Variants in ZNF704 observed in about 807,000 individuals in gnomAD.
The protein encoded by ZNF704 is glucocorticoid induced gene 1.
ZNF704 carries 10 observed loss-of-function variants against 44.7 expected under a neutral mutation model. The ratio of observed to expected loss-of-function variants is 0.22; its 90% confidence interval spans 0.14 to 0.38. The LOEUF is 0.38. Among genes scored for constraint, ZNF704 ranks in the 10% least tolerant of loss-of-function variants. The pLI is 1.00. For synonymous variants in ZNF704, 211 were observed against 207.6 expected (o/e 1.02, Z -0.14); for missense variants, 390 against 545.5 (o/e 0.71, Z 2.84).
chr8:80,871,061 AAT>A (rs1299825130), intron 1 of ZNF704, among the ~76,000 whole-genome samples: 1 of 152,034 alleles, frequency 6.6e-6, no homozygotes, highest in Admixed American at 6.6e-5. Context: ...TGATCCTCAC[AAT>A]AGATTCTGAA....
At chr8:80,872,358 T>C (rs546838386) in intron 1 of ZNF704, among the ~76,000 whole-genome samples, 73 of 152,310 alleles carry the variant, frequency 4.8e-4, no homozygotes, top group African/African-American at 1.7e-3. Context: ...TCTGCCCACA[T>C]CTACTCTGGG....
chr8:80,858,997 T>C (rs1465255788), intron 1 of ZNF704, among the ~76,000 whole-genome samples: 2 of 152,218 alleles, frequency 1.3e-5, no homozygotes, highest in Non-Finnish European at 2.9e-5. Flanking sequence ...ATTCAAATAT[T>C]CTATAATCTT....
At chr8:80,862,558 G>A (rs970200322) in intron 1 of ZNF704, among the ~76,000 whole-genome samples, 5 of 145,080 alleles carry the variant, frequency 3.4e-5, no homozygotes, top group Non-Finnish European at 7.5e-5. Flanking sequence ...GCGAGAGTTC[G>A]AGACCAGCCT....
At position 80,664,994 on chromosome 8, in the gene ZNF704, G is replaced by T. The variant is rs777913982; in HGVS notation, c.748C>A (p.Leu250Met). 1.2e-6 allele frequency: 2 copies of T among 1,614,250 alleles called. No homozygotes were observed. The highest frequency in any genetic ancestry group is 1.7e-6 in the Non-Finnish European group (2 of 1,180,038). Residue 250 changes from leucine (L) to methionine (M), a missense_variant, in exon 6 of 9, where the codon CTG (leucine) becomes ATG (methionine). By Grantham distance (15) the Leu-to-Met change is conservative. Transcript: ENST00000327835. ...GGTGAGACCGGGGCCAGGCTGCTCA[G>T]CCCGTCTGCCACTGAGTCTGTGTTG... ...KLNTDSVADG[L>M]SSLAPVSPSQ...
At chr8:80,782,092 C>G (rs541959791) in intron 2 of ZNF704, among the ~76,000 whole-genome samples, 25 of 152,288 alleles carry the variant, frequency 1.6e-4, no homozygotes, top group Admixed American at 6.5e-4. Flanking sequence ...TCCCCATCCC[C>G]GAGCAATCAT....
intron 2 of ZNF704, among the ~76,000 whole-genome samples, chr8:80,746,018 T>C (rs1416991412): frequency 2.6e-5 from 4 of 152,210 alleles, no homozygotes; most frequent in Non-Finnish European, 5.9e-5. Context: ...CTCATGATTG[T>C]TGTGAAGATT....
At chr8:80,703,738 G>A (rs1333601494) in intron 2 of ZNF704, among the ~76,000 whole-genome samples, 1 of 152,188 alleles carries the variant, frequency 6.6e-6, no homozygotes, top group African/African-American at 2.4e-5. Flanking sequence ...GCCTCCCAAA[G>A]TGCTGGGATT....
intron 6 of ZNF704, among the ~76,000 whole-genome samples, chr8:80,663,280 C>T (rs536376328): frequency 6.6e-6 from 1 of 151,120 alleles, no homozygotes; most frequent in Admixed American, 6.6e-5. Context: ...GCTTGGGAAG[C>T]TGAGGCAGGA....
intron 2 of ZNF704, among the ~76,000 whole-genome samples, chr8:80,752,533 TA>T (rs374256860): frequency 0.025 from 3,677 of 144,642 alleles, 169 homozygotes; most frequent in African/African-American, 0.097. Flanking sequence ...GGGGTAAACT[TA>T]AAAAAACTTA....
At position 80,632,600 on chromosome 8, in the gene ZNF704, A is replaced by C. The variant is rs938338917; in HGVS notation, c.*8766T>G. ...TTTTTAGTATTTTCATGATATAAAT[A>C]AATCAAGGGGATCTTCTCTTTAGAA... On this transcript the variant is annotated 3_prime_UTR_variant, in exon 9 of 9. Coordinates refer to ENST00000327835, the MANE Select transcript of ZNF704 (RefSeq NM_001033723.3). 1 of 152,258 alleles carries C rather than the reference A, an allele frequency of 6.6e-6. No homozygotes were observed. Among genetic ancestry groups the C allele is most frequent in the African/African-American group, 2.4e-5 (1 of 41,472 alleles). The allele number at this position is 152,258 out of a possible 1,614,324, so 9.4% of individuals were successfully genotyped here. A position where few individuals can be genotyped will look rare whatever the true frequency, so the allele number is the denominator to read the frequency against.
chr8:80,863,918 C>T (rs1418694640), intron 1 of ZNF704, among the ~76,000 whole-genome samples: 1 of 152,078 alleles, frequency 6.6e-6, no homozygotes, highest in African/African-American at 2.4e-5. Flanking sequence ...TGGATATAAA[C>T]ACCTTGTGAA....
chr8:80,643,143 G>A lies in ZNF704; in HGVS notation c.1033-14C>T. 1 of 1,587,922 alleles carries A rather than the reference G, an allele frequency of 6.3e-7. No individual in the cohort carries two copies. The highest frequency in any genetic ancestry group is 1.8e-5 in the Admixed American group (1 of 56,860). On this transcript the variant is annotated splice_polypyrimidine_tract_variant and intron_variant, in intron 7 of 8. Coordinates refer to ENST00000327835, the MANE Select transcript of ZNF704 (RefSeq NM_001033723.3). ...TGTGGGTGACACCTGGTGAATACAT[G>A]GAAAAGAAAGTTGATGGGGCAGGTT...
intron 1 of ZNF704, among the ~76,000 whole-genome samples, chr8:80,853,939 A>G (rs1586076949): frequency 6.6e-6 from 1 of 152,214 alleles, no homozygotes; most frequent in Non-Finnish European, 1.5e-5. Context: ...AATAAGTCAT[A>G]AAGGAAGATA....
chr8:80,653,981 C>A (rs1817966532), intron 7 of ZNF704, among the ~76,000 whole-genome samples: 1 of 152,090 alleles, frequency 6.6e-6, no homozygotes, highest in African/African-American at 2.4e-5. Context: ...GGTAATGGTA[C>A]CAAAACAGAG....
Position 80,687,475 on chromosome 8 carries a change from A to C in ZNF704, c.326-17T>G. 1 of 1,503,418 alleles carries C rather than the reference A, an allele frequency of 6.7e-7. No individual in the cohort carries two copies. The highest frequency in any genetic ancestry group is 8.9e-7 in the Non-Finnish European group (1 of 1,121,276). The allele number at this position is 1,503,418 out of a possible 1,614,324, so 93.1% of individuals were successfully genotyped here. The stretch of plus-strand genomic sequence containing the variant: ...TGAGGCTCTCTGCATGCACACAAAC[A>C]CAGTCAGTGCCAGGACCCCTGCGTG... On this transcript the variant is annotated splice_polypyrimidine_tract_variant and intron_variant, in intron 3 of 8. Coordinates refer to ENST00000327835, the MANE Select transcript of ZNF704 (RefSeq NM_001033723.3).
intron 2 of ZNF704, among the ~76,000 whole-genome samples, chr8:80,775,004 T>C (rs1807387595): frequency 6.6e-6 from 1 of 152,342 alleles, no homozygotes; most frequent in East Asian, 1.9e-4. Flanking sequence ...TTCATCTTTA[T>C]ATTTTTTAAT....
intron 1 of ZNF704, among the ~76,000 whole-genome samples, chr8:80,851,853 A>G (rs1808869855): frequency 1.3e-5 from 2 of 152,208 alleles, no homozygotes; most frequent in South Asian, 2.1e-4. Context: ...ATAAGGACAC[A>G]TCTATTCTCA....
chr8:80,825,191 A>T (rs1808350294), intron 1 of ZNF704, among the ~76,000 whole-genome samples: 1 of 152,060 alleles, frequency 6.6e-6, no homozygotes, highest in Non-Finnish European at 1.5e-5. Context: ...TCTCACGTGC[A>T]GAGACACACA....
At chr8:80,739,335 A>T (rs1481396814) in intron 2 of ZNF704, among the ~76,000 whole-genome samples, 2 of 152,158 alleles carry the variant, frequency 1.3e-5, no homozygotes, top group African/African-American at 4.8e-5. Flanking sequence ...TCTCCCTGGG[A>T]TATGACAGCT....
Sources: gnomAD v4.1 joint callset for allele counts (sites outside exome capture counted in the v4.1 genomes callset) on GRCh38, gnomAD v4.1.1 for gene constraint, MANE v1.5 for transcripts, NCBI Gene and HGNC (gene_info 2026-07-23, HGNC 2026-07-21) for gene names.